CEP57L1: variants seen among roughly 807,000 people sequenced by gnomAD.
The protein encoded by CEP57L1 is centrosomal protein CEP57L1.
CEP57L1 carries 37 observed loss-of-function variants against 61.0 expected under a neutral mutation model. The ratio of observed to expected loss-of-function variants is 0.61; its 90% CI spans 0.47 to 0.80. The LOEUF is 0.80. CEP57L1 is among the 30% of genes least tolerant of loss of function. The probability of loss-of-function intolerance (pLI) is 0.00; values close to 1 mark genes in which losing one functional copy is unlikely to be tolerated. For missense variants in CEP57L1, 422 were observed against 524.7 expected (o/e 0.80, Z 1.91); for synonymous variants, 137 against 162.3 (o/e 0.84, Z 1.19).
At chr6:109,148,190 C>T (rs1035419564) in intron 3 of CEP57L1, among the ~76,000 whole-genome samples, 4 of 151,796 alleles carry the variant, frequency 2.6e-5, no homozygotes, top group Non-Finnish European at 5.9e-5. Flanking sequence ...CATATGTATA[C>T]ATGTGCCATG....
At chr6:109,153,566 C>T (rs1369295643) in intron 4 of CEP57L1, among the ~76,000 whole-genome samples, 2 of 150,804 alleles carry the variant, frequency 1.3e-5, no homozygotes, top group Non-Finnish European at 1.5e-5. Flanking sequence ...GTTATATTTG[C>T]TCCTTAAAAG....
At chr6:109,146,630 A>AAT in intron 2 of CEP57L1, 128 bp from the exon 3 acceptor site, 1 of 586,826 alleles carries the variant, frequency 1.7e-6, no homozygotes, top group Non-Finnish European at 2.9e-6. Flanking sequence ...TTTTTTGAAG[A>AAT]ATATGCATTA....
chr6:109,133,567 G>A (rs1774443563), intron 1 of CEP57L1, among the ~76,000 whole-genome samples: 1 of 152,100 alleles, frequency 6.6e-6, no homozygotes, highest in Non-Finnish European at 1.5e-5. Flanking sequence ...TAAGATCAGA[G>A]CAGAACTGAA....
chr6:109,097,923 T>C (rs930357469), intron 1 of CEP57L1, among the ~76,000 whole-genome samples: 3 of 152,052 alleles, frequency 2.0e-5, no homozygotes, highest in African/African-American at 7.2e-5. Flanking sequence ...GAGTGCGCAT[T>C]TGAGAAATAG....
chr6:109,172,879 C>T lies in CEP57L1; in HGVS notation c.*9909C>T. On this transcript the variant is annotated 3_prime_UTR_variant, in exon 11 of 11. Coordinates refer to ENST00000517392, the MANE Select transcript of CEP57L1 (RefSeq NM_001271852.3). Reference sequence around the variant, plus strand: ...CTTTGTCTGGAGGCTTTTTCAAGCCCAAGAGGTTGTCATTTCTTTATGTGT... The same window carrying T: ...CTTTGTCTGGAGGCTTTTTCAAGCCTAAGAGGTTGTCATTTCTTTATGTGT... Among the ~76,000 whole-genome samples, 1 of 152,136 alleles carries T rather than the reference C, an allele frequency of 6.6e-6. No individual in the cohort carries two copies. The highest frequency in any genetic ancestry group is 1.5e-5 in the Non-Finnish European group (1 of 68,028).
intron 1 of CEP57L1, among the ~76,000 whole-genome samples, chr6:109,138,875 AT>A (rs1771033224): frequency 1.3e-5 from 2 of 152,206 alleles, no homozygotes; most frequent in Admixed American, 1.3e-4. Flanking sequence ...ACTATGAACA[AT>A]TCTTTTCCTT....
At chr6:109,162,728 T>G in intron 10 of CEP57L1, 21 bp from the exon 11 acceptor site, 2 of 1,514,036 alleles carry the variant, frequency 1.3e-6, no homozygotes, top group South Asian at 2.4e-5. Context: ...ACTAAAATGT[T>G]AGATTTTTTT....
Position 109,100,688 on chromosome 6 carries a change from AAAAAG to A in CEP57L1, c.-4+5116_-4+5120del, listed in dbSNP as rs1418522443. Reference sequence around the variant, plus strand: ...AGATTGTCTCAAAAAAAAAAAAAAAAAAAAGAAGAAAGAAAGAAAGTTTACAGAAT... The same window carrying A: ...AGATTGTCTCAAAAAAAAAAAAAAAAAAGAAAGAAAGAAAGTTTACAGAAT... On this transcript the variant is annotated intron_variant, in intron 1 of 10. Coordinates refer to ENST00000517392, the MANE Select transcript of CEP57L1 (RefSeq NM_001271852.3). 7.1e-3 allele frequency among the ~76,000 whole-genome samples: 1,070 copies of A among 151,246 alleles called. 11 individuals are homozygous for A. The highest frequency in any genetic ancestry group is 0.025 in the African/African-American group (1,027 of 41,050).
rs1020994053 is a variant in CEP57L1, at chr6:109,170,351, A to G, written c.*7381A>G. Among the ~76,000 whole-genome samples, 1 of 152,192 alleles carries G rather than the reference A, an allele frequency of 6.6e-6. No individual in the cohort carries two copies. Among genetic ancestry groups the G allele is most frequent in the African/African-American group, 2.4e-5 (1 of 41,474 alleles). On this transcript the variant is annotated 3_prime_UTR_variant, in exon 11 of 11. Coordinates refer to ENST00000517392, the MANE Select transcript of CEP57L1 (RefSeq NM_001271852.3). ...TTTTCAACCTGACTTGGCTTAATGTAGTTAAGTAAATTTTAGGATAGGTTC... is the reference window on the plus strand; with the variant it reads ...TTTTCAACCTGACTTGGCTTAATGTGGTTAAGTAAATTTTAGGATAGGTTC...
intron 1 of CEP57L1, among the ~76,000 whole-genome samples, chr6:109,137,644 T>C (rs1770894885): frequency 6.6e-6 from 1 of 152,220 alleles, no homozygotes; most frequent in Admixed American, 6.5e-5. Context: ...AGTATATGAT[T>C]GTCATGTAAT....
intron 1 of CEP57L1, among the ~76,000 whole-genome samples, chr6:109,143,046 CTG>C (rs1457782523): frequency 6.9e-6 from 1 of 144,158 alleles, no homozygotes; most frequent in Non-Finnish European, 1.5e-5. Flanking sequence ...GGGGCCAAAA[CTG>C]TGTTAGCAAT....
chr6:109,147,036 T>C, intron 3 of CEP57L1, 99 bp downstream of exon 3: 1 of 911,912 alleles, frequency 1.1e-6, no homozygotes, highest in Non-Finnish European at 1.6e-6. Flanking sequence ...ATATCTTTAT[T>C]CTTATATATA....
At position 109,172,196 on chromosome 6, in the gene CEP57L1, C is replaced by T. The variant is rs373451536; in HGVS notation, c.*9226C>T. ...GACCATAATTCTCTCAGCAGACAGACCATAATTCTCTCAGCAACAATGTGT... is the reference window on the plus strand; with the variant it reads ...GACCATAATTCTCTCAGCAGACAGATCATAATTCTCTCAGCAACAATGTGT... On this transcript the variant is annotated 3_prime_UTR_variant, in exon 11 of 11. Coordinates refer to ENST00000517392, the MANE Select transcript of CEP57L1 (RefSeq NM_001271852.3). Among the ~76,000 whole-genome samples, 1 of 116,888 alleles carries T rather than the reference C, an allele frequency of 8.6e-6. No individual in the cohort carries two copies. The highest frequency in any genetic ancestry group is 1.8e-5 in the Non-Finnish European group (1 of 54,108). The allele number at this position is 116,888 out of a possible 152,430, so 76.7% of individuals were successfully genotyped here. A position where few individuals can be genotyped will look rare whatever the true frequency, so the allele number is the denominator to read the frequency against.
chr6:109,155,920 A>G, intron 7 of CEP57L1, 43 bp downstream of exon 7: 1 of 875,912 alleles, frequency 1.1e-6, no homozygotes, highest in Non-Finnish European at 1.9e-6. Context: ...TACTGCTAAT[A>G]CTTATTTATA....
chr6:109,166,419 T>C lies in CEP57L1; in HGVS notation c.*3449T>C, dbSNP rs1562162325. 6.6e-6 allele frequency among the ~76,000 whole-genome samples: 1 copy of C among 150,950 alleles called. No individual in the cohort carries two copies. The highest frequency in any genetic ancestry group is 6.6e-5 in the Admixed American group (1 of 15,118). On this transcript the variant is annotated 3_prime_UTR_variant, in exon 11 of 11. Coordinates refer to ENST00000517392, the MANE Select transcript of CEP57L1 (RefSeq NM_001271852.3). ...TTTTGGTGGGCATGGAGTCTCGCTG[T>C]GTCACCCAGGCTAGAGTGCAGTGGC...
chr6:109,128,327 A>G (rs1327112451), intron 1 of CEP57L1, among the ~76,000 whole-genome samples: 1 of 152,170 alleles, frequency 6.6e-6, no homozygotes, highest in Admixed American at 6.5e-5. Context: ...TTTGAGGAGT[A>G]TTTCTGAGTC....
rs540974057 is a variant in CEP57L1 at position 109,165,278 on chromosome 6, G to A, written c.*2308G>A. On this transcript the variant is annotated 3_prime_UTR_variant, in exon 11 of 11. Transcript: ENST00000517392. The stretch of plus-strand genomic sequence containing the variant: ...AGCCTCAGTTTCTCATCTGTAAAGT[G>A]AGGATTATACTAATATCTCCCTCAC... Among the ~76,000 whole-genome samples the A allele has an allele frequency of 6.6e-6, 1 of 152,132 alleles. No homozygotes were observed. The highest frequency in any genetic ancestry group is 6.5e-5 in the Admixed American group (1 of 15,274).
intron 1 of CEP57L1, among the ~76,000 whole-genome samples, chr6:109,110,583 G>A (rs1359692025): frequency 1.3e-5 from 2 of 152,190 alleles, no homozygotes; most frequent in Admixed American, 6.5e-5. Flanking sequence ...TGGTGTTTTA[G>A]TCATAAAGTC....
intron 3 of CEP57L1, among the ~76,000 whole-genome samples, chr6:109,148,782 T>A (rs1463622885): frequency 6.6e-6 from 1 of 152,182 alleles, no homozygotes; most frequent in South Asian, 2.1e-4. Flanking sequence ...CAGCACCTGT[T>A]GTTTCCTGAC....
Sources: allele counts gnomAD v4.1 joint callset (sites outside exome capture counted in the v4.1 genomes callset), GRCh38; gene constraint gnomAD v4.1.1; transcripts MANE v1.5; gene names NCBI Gene and HGNC (gene_info 2026-07-23, HGNC 2026-07-21).